The following XYLT2 variants were observed in gnomAD, a reference collection of about 807,000 sequenced individuals.
XYLT2 encodes xylosyltransferase 2.
Under a neutral mutation model 82.6 loss-of-function variants are expected in XYLT2, and 37 were observed. That is an observed-to-expected ratio of 0.45 (90% CI 0.34 to 0.59). The LOEUF (loss-of-function observed/expected upper bound fraction) is 0.59. XYLT2 is among the 20% of genes least tolerant of loss of function. The pLI, the probability that XYLT2 is intolerant of heterozygous loss-of-function variation, is 0.01. For synonymous variants in XYLT2, 474 were observed against 499.0 expected (o/e 0.95, Z 0.67); for missense variants, 934 against 1,181.3 (o/e 0.79, Z 3.07).
chr17:50,347,274 G>C (rs1471279220), intron 1 of XYLT2, among the ~76,000 whole-genome samples: 1 of 151,892 alleles, frequency 6.6e-6, no homozygotes, highest in Non-Finnish European at 1.5e-5. Flanking sequence ...CCGGGTCAGA[G>C]ACTCTATCTG....
At position 50,361,062 on chromosome 17, in the gene XYLT2, A is replaced by G. The variant is rs892535476; in HGVS notation, c.*771A>G. 10 of 985,972 alleles carry G rather than the reference A, an allele frequency of 1.0e-5. No homozygotes were observed. The South Asian group carries it at 4.2e-4, about 42-fold the overall frequency. The allele number at this position is 985,972 out of a possible 1,614,324, so 61.1% of individuals were successfully genotyped here. ...GCAGCGTGGGAAGAAGACTCTGTCA[A>G]GACTCTCAGAAGAACCTGGAGTAAT... On this transcript the variant is annotated 3_prime_UTR_variant, in exon 11 of 11. Transcript: ENST00000017003.
In XYLT2 at chr17:50,354,572, C is replaced by A. The variant is rs1382213550; in HGVS notation, c.793C>A (p.His265Asn). 1.2e-6 allele frequency: 2 copies of A among 1,609,368 alleles called. No homozygotes were observed. The highest frequency in any genetic ancestry group is 8.5e-7 in the Non-Finnish European group (1 of 1,178,066). The change falls in exon 3 of 11, where the codon CAT (histidine) becomes AAT (asparagine). Residue 265 changes from histidine (H) to asparagine (N), a missense_variant. By Grantham distance (68) the His-to-Asn change is moderately conservative. Coordinates refer to ENST00000017003, the MANE Select transcript of XYLT2 (RefSeq NM_022167.4). The part of the protein sequence containing the change: ...VYHEQHFFYI[H>N]VDKRSDYLHR... ...TCACGAGCAGCACTTCTTTTACATC[C>A]ATGTGGACAAGGTACTGTGGTGGGG...
chr17:50,352,305 A>G (rs967883708), intron 1 of XYLT2, among the ~76,000 whole-genome samples: 11 of 152,202 alleles, frequency 7.2e-5, no homozygotes, highest in African/African-American at 2.7e-4. Context: ...TGGAGGCTCT[A>G]GAGTGTTCAC....
intron 7 of XYLT2, 28 bp downstream of exon 7, chr17:50,356,289 G>A: frequency 1.2e-6 from 2 of 1,607,200 alleles, no homozygotes; most frequent in Non-Finnish European, 1.7e-6. Context: ...CAAGGCCCCT[G>A]GCTAGGTCTT....
chr17:50,355,685 C>T, intron 5 of XYLT2, 96 bp from the exon 6 acceptor site: 1 of 1,584,206 alleles, frequency 6.3e-7, no homozygotes, highest in Non-Finnish European at 8.6e-7. Flanking sequence ...GCCTCCACAC[C>T]AGTCACAGGT....
intron 9 of XYLT2, 193 bp from the exon 10 acceptor site, chr17:50,358,014 A>C: frequency 1.7e-6 from 1 of 598,092 alleles, no homozygotes; most frequent in Non-Finnish European, 2.9e-6. Flanking sequence ...TCAGAATGGA[A>C]GCCTAGAACG....
chr17:50,360,132 CA>C lies in XYLT2; in HGVS notation c.2440del (p.Arg814GlyfsTer3). ...TGPALEAWTD[R>X]ELSSFWSVAG... Reference sequence around the variant, plus strand: ...GCCCTGCGCTCGAGGCCTGGACAGACAGGGAACTGAGCAGCTTCTGGTCCGT... The same window carrying C: ...GCCCTGCGCTCGAGGCCTGGACAGACGGGAACTGAGCAGCTTCTGGTCCGT... On this transcript the variant is annotated frameshift_variant, in exon 11 of 11. Coordinates refer to ENST00000017003, the MANE Select transcript of XYLT2 (RefSeq NM_022167.4). LOFTEE classifies it high-confidence loss of function. The C allele has an allele frequency of 6.2e-7, 1 of 1,614,038 alleles. No homozygotes were observed. The highest frequency in any genetic ancestry group is 8.5e-7 in the Non-Finnish European group (1 of 1,179,978).
chr17:50,350,622 G>A (rs1912227228), intron 1 of XYLT2, among the ~76,000 whole-genome samples: 5 of 152,160 alleles, frequency 3.3e-5, no homozygotes, highest in South Asian at 2.1e-4. Flanking sequence ...TAGGTGCTAC[G>A]ACTATGTCAG....
chr17:50,360,658 C>T lies in XYLT2; in HGVS notation c.*367C>T. On this transcript the variant is annotated 3_prime_UTR_variant, in exon 11 of 11. Coordinates refer to ENST00000017003, the MANE Select transcript of XYLT2 (RefSeq NM_022167.4). ...AGAAGATGTGCAATAGGGCTCAGAG[C>T]AGCCCCAGGAAGTGGGCCATGTCTG... 2 of 1,009,928 alleles carry T rather than the reference C, an allele frequency of 2.0e-6. No individual in the cohort carries two copies. Among genetic ancestry groups the T allele is most frequent in the Non-Finnish European group, 2.4e-6 (2 of 847,672 alleles). The allele number at this position is 1,009,928 out of a possible 1,614,324, so 62.6% of individuals were successfully genotyped here. A position where few individuals can be genotyped will look rare whatever the true frequency, so the allele number is the denominator to read the frequency against.
At chr17:50,348,233 GAAAC>G (rs1912118024) in intron 1 of XYLT2, among the ~76,000 whole-genome samples, 1 of 152,322 alleles carries the variant, frequency 6.6e-6, no homozygotes, top group African/African-American at 2.4e-5. Context: ...TCTACAGAGA[GAAAC>G]AGACAGCGAA....
chr17:50,349,036 G>A (rs113543083), intron 1 of XYLT2, among the ~76,000 whole-genome samples: 3 of 152,272 alleles, frequency 2.0e-5, no homozygotes, highest in African/African-American at 7.2e-5. Flanking sequence ...AGCCTCCTCT[G>A]GGATTGTCCT....
rs1374457643 is a variant in XYLT2, at chr17:50,358,256, G to A, written c.1991G>A (p.Gly664Glu). 3 of 1,612,396 alleles carry A rather than the reference G, an allele frequency of 1.9e-6. No individual in the cohort carries two copies. The highest frequency in any genetic ancestry group is 1.7e-5 in the Admixed American group (1 of 59,938). ...PKERLFRNFG[G>E]LLGPLDEPVA... is the part of the protein sequence containing the mutation. Reference sequence around the variant, plus strand: ...GAGCGTCTTTTCCGGAACTTTGGGGGGTTACTGGGGCCGCTGGACGAGCCT... The same window carrying A: ...GAGCGTCTTTTCCGGAACTTTGGGGAGTTACTGGGGCCGCTGGACGAGCCT... The change falls in exon 10 of 11, where the codon GGG (glycine) becomes GAG (glutamate). Residue 664 changes from glycine (G) to glutamate (E), a missense_variant. By Grantham distance (98) the Gly-to-Glu change is moderately conservative. This residue lies in a region of XYLT2 where 374 missense variants were observed against 465.6 expected (regional missense o/e 0.80). Transcript: ENST00000017003.
At chr17:50,356,318 A>C in intron 7 of XYLT2, 57 bp downstream of exon 7, 2 of 1,588,708 alleles carry the variant, frequency 1.3e-6, no homozygotes, top group Non-Finnish European at 1.7e-6. Flanking sequence ...GCTTTTCACC[A>C]GGAAAATGGC....
intron 7 of XYLT2, 86 bp downstream of exon 7, chr17:50,356,347 A>T: frequency 6.4e-7 from 1 of 1,565,290 alleles, no homozygotes; most frequent in Non-Finnish European, 8.7e-7. Flanking sequence ...CCAGTAAGAG[A>T]ATCTGGGGGG....
chr17:50,354,873 G>A lies in XYLT2; in HGVS notation c.824G>A (p.Arg275Gln), dbSNP rs199983537. The stretch of plus-strand genomic sequence containing the variant: ...CACCAGCGTTCCGACTACCTGCACC[G>A]GGAGGTGGTGGAGCTGGCCCAGGGC... ...HVDKRSDYLH[R>Q]EVVELAQGYD... The change falls in exon 4 of 11, where the codon CGG becomes CAG. Residue 275 changes from arginine (R) to glutamine (Q), a missense_variant. This residue lies in a region of XYLT2 where 371 missense variants were observed against 394.9 expected (regional missense o/e 0.94). Coordinates refer to ENST00000017003, the MANE Select transcript of XYLT2 (RefSeq NM_022167.4). 9.0e-5 allele frequency: 146 copies of A among 1,613,340 alleles called. No homozygotes were observed. Among genetic ancestry groups the A allele is most frequent in the Middle Eastern group, 6.6e-4 (4 of 6,056 alleles).
At chr17:50,357,340 A>G in intron 9 of XYLT2, 88 bp downstream of exon 9, 1 of 1,354,008 alleles carries the variant, frequency 7.4e-7, no homozygotes, top group Admixed American at 2.8e-5. Flanking sequence ...AGGGAGGGGT[A>G]AGGTTATTTT....
In XYLT2 at chr17:50,355,539, G is replaced by C. The variant is rs766170830; in HGVS notation, c.1046G>C (p.Arg349Pro). The change falls in exon 5 of 11, where the codon CGG becomes CCG. Residue 349 changes from arginine (R) to proline (P), a missense_variant. Arg to Pro is a moderately radical substitution (Grantham distance 103). Transcript: ENST00000017003. ...CTGGTGGCATTCCTATCCAAGAACC[G>C]GGACAAGAATTTCCTCAAGTCACAT... ...EELVAFLSKN[R>P]DKNFLKSHGR... 9 of 1,614,134 alleles carry C rather than the reference G, an allele frequency of 5.6e-6. No individual in the cohort carries two copies. The highest frequency in any genetic ancestry group is 5.9e-6 in the Non-Finnish European group (7 of 1,180,018).
intron 9 of XYLT2, 150 bp downstream of exon 9, chr17:50,357,402 C>G (rs532971938): frequency 1.3e-6 from 1 of 749,642 alleles, no homozygotes; most frequent in African/African-American, 1.8e-5. Flanking sequence ...CCTGTGTCAC[C>G]CCCCAGCCTG....
At chr17:50,354,193 C>G (rs1912407952) in intron 2 of XYLT2, 71 bp downstream of exon 2, 1 of 1,588,328 alleles carries the variant, frequency 6.3e-7, no homozygotes, top group Admixed American at 1.7e-5. Flanking sequence ...ATCCTCACCC[C>G]TATCTCTCTG....
Sources: allele counts gnomAD v4.1 joint callset (sites outside exome capture counted in the v4.1 genomes callset), GRCh38; gene constraint gnomAD v4.1.1; regional missense constraint gnomAD v4.1.1; transcripts MANE v1.5; gene names NCBI Gene and HGNC (gene_info 2026-07-23, HGNC 2026-07-21).